The following SHTN1 variants were observed in gnomAD, a reference collection of about 807,000 sequenced individuals.
SHTN1 encodes the protein shootin-1.
In SHTN1, 42 loss-of-function variants were observed where a neutral mutation model predicts 83.1. That is an observed-to-expected ratio of 0.51 (90% CI 0.39 to 0.65). The LOEUF is 0.65. SHTN1 is among the 30% of genes least tolerant of loss of function. The pLI, the probability that SHTN1 is intolerant of heterozygous loss-of-function variation, is 0.00. For synonymous variants in SHTN1, 224 were observed against 247.7 expected, an observed-to-expected ratio of 0.90 and a Z score of 0.90; for missense variants, 622 against 737.8, an observed-to-expected ratio of 0.84 and a Z score of 1.82.
At chr10:117,089,877 C>CA (rs1752067191) in intron 1 of SHTN1, among the ~76,000 whole-genome samples, 1 of 152,030 alleles carries the variant, frequency 6.6e-6, no homozygotes, top group Non-Finnish European at 1.5e-5. Context: ...ACCTCATACC[C>CA]ATTAGAATGG....
At chr10:117,115,459 A>G (rs778300761) in intron 1 of SHTN1, among the ~76,000 whole-genome samples, 4 of 152,202 alleles carry the variant, frequency 2.6e-5, no homozygotes, top group Non-Finnish European at 4.4e-5. Context: ...CACAGTAACC[A>G]GCAGTTATCT....
chr10:116,881,566 C>T lies in SHTN1; in HGVS notation c.*4778G>A, dbSNP rs1383822081. The T allele has an allele frequency of 3.2e-6, 5 of 1,550,148 alleles. No homozygotes were observed. In the South Asian group the frequency reaches 6.0e-5, roughly 18 times the overall value. ...TACTTTAATGAGGAAGCTGAAAAGGCTGCGGAGGCACTTGAGGCTGCTGCG... is the reference window on the plus strand; with the variant it reads ...TACTTTAATGAGGAAGCTGAAAAGGTTGCGGAGGCACTTGAGGCTGCTGCG... On this transcript the variant is annotated 3_prime_UTR_variant, in exon 17 of 17. Coordinates refer to ENST00000355371, the MANE Select transcript of SHTN1 (RefSeq NM_001127211.3).
At chr10:116,954,013 AT>A in intron 5 of SHTN1, 28 bp downstream of exon 5, 1 of 1,573,330 alleles carries the variant, frequency 6.4e-7, no homozygotes, top group Non-Finnish European at 8.6e-7. Context: ...GGTAAAAAAT[AT>A]GCTCAATAAT....
chr10:117,110,362 G>C (rs1031944365), intron 1 of SHTN1, among the ~76,000 whole-genome samples: 28 of 151,992 alleles, frequency 1.8e-4, no homozygotes, highest in Non-Finnish European at 7.4e-5. Context: ...TTTTGTTTTT[G>C]TTTTTGTTGA....
upstream of SHTN1, chr10:117,005,201 C>T (rs1008327104): frequency 5.3e-6 from 8 of 1,523,348 alleles, no homozygotes; most frequent in South Asian, 8.6e-5. Context: ...GTTGGATCCG[C>T]TCCCGCTCCT....
chr10:117,079,039 TTTA>T (rs1476163742), intron 1 of SHTN1, among the ~76,000 whole-genome samples: 10 of 152,010 alleles, frequency 6.6e-5, no homozygotes, highest in Non-Finnish European at 1.2e-4. Context: ...TTTATTTTTA[TTTA>T]TTTTTTTATT....
intron 9 of SHTN1, among the ~76,000 whole-genome samples, chr10:116,931,001 T>C (rs1848939373): frequency 6.6e-6 from 1 of 152,136 alleles, no homozygotes; most frequent in African/African-American, 2.4e-5. Flanking sequence ...ATTTTTTATA[T>C]GCTTGTTAGT....
intron 2 of SHTN1, among the ~76,000 whole-genome samples, chr10:117,025,903 C>A (rs1852326857): frequency 6.6e-6 from 1 of 152,150 alleles, no homozygotes; most frequent in Non-Finnish European, 1.5e-5. Context: ...GCCTGAATAA[C>A]CAGCAGCAAT....
At chr10:117,023,620 T>C (rs1852291998) in intron 2 of SHTN1, 1 of 152,602 alleles carries the variant, frequency 6.6e-6, no homozygotes, top group Admixed American at 6.5e-5. Flanking sequence ...TTGGGAAATT[T>C]TTGCCGTCTT....
rs754828624 is a variant in SHTN1 at position 116,885,570 on chromosome 10, G to A, written c.*774C>T. Reference sequence around the variant, plus strand: ...AACTCTGATAAAATATGGTACTTGTGCCACATTAGTATTTGGGAAAACATA... The same window carrying A: ...AACTCTGATAAAATATGGTACTTGTACCACATTAGTATTTGGGAAAACATA... On this transcript the variant is annotated 3_prime_UTR_variant, in exon 17 of 17. Transcript: ENST00000355371. 1.3e-5 allele frequency: 2 copies of A among 152,532 alleles called. No homozygotes were observed. The highest frequency in any genetic ancestry group is 2.9e-5 in the Non-Finnish European group (2 of 68,036). 9.4% of individuals were successfully genotyped at this position (152,532 alleles called of 1,614,324 possible). A position where few individuals can be genotyped will look rare whatever the true frequency, so the allele number is the denominator to read the frequency against.
At chr10:116,901,279 A>C in intron 16 of SHTN1, 1 of 985,362 alleles carries the variant, frequency 1.0e-6, no homozygotes, top group Non-Finnish European at 1.2e-6. Context: ...GTCTATACAG[A>C]TAACTCTTTA....
intron 1 of SHTN1, among the ~76,000 whole-genome samples, chr10:116,994,835 G>C (rs1851570780): frequency 7.0e-6 from 1 of 143,076 alleles, no homozygotes; most frequent in African/African-American, 2.6e-5. Flanking sequence ...AGGATTTCCA[G>C]AGGGCTCCCT....
chr10:116,917,130 AATTC>A (rs1201134913), intron 12 of SHTN1, among the ~76,000 whole-genome samples: 2 of 152,144 alleles, frequency 1.3e-5, no homozygotes, highest in East Asian at 3.9e-4. Flanking sequence ...GATGGGTAGA[AATTC>A]ATTCATTCAT....
At chr10:116,961,352 A>G (rs1287862772) in intron 3 of SHTN1, among the ~76,000 whole-genome samples, 1 of 152,200 alleles carries the variant, frequency 6.6e-6, no homozygotes, top group Non-Finnish European at 1.5e-5. Flanking sequence ...TTCATAAAGC[A>G]GCACTAAATG....
At chr10:117,066,486 C>T (rs1312784063) in intron 1 of SHTN1, among the ~76,000 whole-genome samples, 2 of 152,024 alleles carry the variant, frequency 1.3e-5, no homozygotes, top group African/African-American at 4.8e-5. Context: ...CAGAAAATAC[C>T]TTTCTGAGGG....
rs1182772983 is a variant in SHTN1, at chr10:116,979,415, G to A, written c.59-107C>T. 12 of 849,180 alleles carry A rather than the reference G, an allele frequency of 1.4e-5. No homozygotes were observed. In the African/African-American group the frequency reaches 2.0e-4, roughly 14 times the overall value. The allele number at this position is 849,180 out of a possible 1,614,324, so 52.6% of individuals were successfully genotyped here. A position where few individuals can be genotyped will look rare whatever the true frequency, so the allele number is the denominator to read the frequency against. On this transcript the variant is annotated intron_variant, in intron 1 of 16. Coordinates refer to ENST00000355371, the MANE Select transcript of SHTN1 (RefSeq NM_001127211.3). ...TAGTCTTCTTACTAGGTTGAGGTAG[G>A]GTGGAGAAGAGGCTGCAGAAAAGGG...
chr10:116,991,592 C>T (rs1047271707), intron 1 of SHTN1, among the ~76,000 whole-genome samples: 1 of 152,148 alleles, frequency 6.6e-6, no homozygotes, highest in Non-Finnish European at 1.5e-5. Context: ...ACTCTTCTAG[C>T]TTCATTACTT....
At chr10:116,945,931 T>C (rs960727532) in intron 7 of SHTN1, among the ~76,000 whole-genome samples, 1 of 152,140 alleles carries the variant, frequency 6.6e-6, no homozygotes, top group African/African-American at 2.4e-5. Context: ...CCTGTCCACA[T>C]GCATGAATCT....
rs1847029695 is a variant in SHTN1, at chr10:116,881,973, TCA to T, written c.*4369_*4370del. On this transcript the variant is annotated 3_prime_UTR_variant, in exon 17 of 17. Coordinates refer to ENST00000355371, the MANE Select transcript of SHTN1 (RefSeq NM_001127211.3). ...AATATTTTTGTTGCCAACTCCACAC[TCA>T]GTCAAACACCCCATCCTTTACCAAT... 4.2e-6 allele frequency: 1 copy of T among 238,918 alleles called. No individual in the cohort carries two copies. Among genetic ancestry groups the T allele is most frequent in the Admixed American group, 5.6e-5 (1 of 17,914 alleles). 14.8% of individuals were successfully genotyped at this position (238,918 alleles called of 1,614,324 possible).
Sources: allele counts gnomAD v4.1 joint callset (sites outside exome capture counted in the v4.1 genomes callset), GRCh38; gene constraint gnomAD v4.1.1; transcripts MANE v1.5; gene names NCBI Gene and HGNC (gene_info 2026-07-23, HGNC 2026-07-21).